The following PPP2R2B variants were observed in gnomAD, a reference collection of about 807,000 sequenced individuals.
PPP2R2B encodes the protein serine/threonine-protein phosphatase 2A 55 kDa regulatory subunit B beta isoform.
A neutral mutation model predicts 46.0 loss-of-function variants in PPP2R2B; 5 were observed. The observed-to-expected ratio is 0.11, with a 90% CI of 0.06 to 0.23. The LOEUF is 0.23. PPP2R2B is among the 10% of genes least tolerant of loss of function. The probability of loss-of-function intolerance (pLI) is 1.00; values close to 1 mark genes in which losing one functional copy is unlikely to be tolerated. For synonymous variants in PPP2R2B, 215 were observed against 206.7 expected (o/e 1.04, Z -0.34); for missense variants, 367 against 575.0 (o/e 0.64, Z 3.70).
At chr5:146,599,133 T>G (rs1403307025) in intron 8 of PPP2R2B, among the ~76,000 whole-genome samples, 2 of 152,154 alleles carry the variant, frequency 1.3e-5, no homozygotes, top group African/African-American at 4.8e-5. Context: ...GGATTTTGCT[T>G]CTTTAAGTCC....
At chr5:146,779,212 G>C (rs1755362362) in intron 2 of PPP2R2B, among the ~76,000 whole-genome samples, 1 of 152,198 alleles carries the variant, frequency 6.6e-6, no homozygotes, top group African/African-American at 2.4e-5. Context: ...AGTGACACTT[G>C]AGTCTCTTCA....
At chr5:147,002,162 T>G (rs1754208773) in intron 1 of PPP2R2B, among the ~76,000 whole-genome samples, 1 of 152,144 alleles carries the variant, frequency 6.6e-6, no homozygotes, top group African/African-American at 2.4e-5. Context: ...GTAAGAATGA[T>G]TTCTAGTATA....
intron 1 of PPP2R2B, among the ~76,000 whole-genome samples, chr5:147,036,718 A>G (rs960390115): frequency 6.6e-6 from 1 of 152,166 alleles, no homozygotes; most frequent in African/African-American, 2.4e-5. Context: ...TCTGACTGTG[A>G]GATGGTATTT....
At chr5:146,675,110 C>T (rs1156389137) in intron 5 of PPP2R2B, among the ~76,000 whole-genome samples, 1 of 152,054 alleles carries the variant, frequency 6.6e-6, no homozygotes, top group Non-Finnish European at 1.5e-5. Context: ...TACAGGCATG[C>T]GCCACCACAC....
At chr5:146,746,975 T>C (rs1302180061) in intron 2 of PPP2R2B, among the ~76,000 whole-genome samples, 24 of 152,182 alleles carry the variant, frequency 1.6e-4, no homozygotes, top group Non-Finnish European at 2.9e-5. Flanking sequence ...TATAACATCG[T>C]GCTGCATATC....
chr5:147,037,498 G>T (rs1756098750), intron 1 of PPP2R2B, among the ~76,000 whole-genome samples: 1 of 151,862 alleles, frequency 6.6e-6, no homozygotes, highest in South Asian at 2.1e-4. Flanking sequence ...ATACATTTAT[G>T]TATTCAGGTT....
intron 1 of PPP2R2B, among the ~76,000 whole-genome samples, chr5:146,888,315 C>A (rs1264279751): frequency 6.6e-6 from 1 of 152,108 alleles, no homozygotes; most frequent in Non-Finnish European, 1.5e-5. Flanking sequence ...CCCCACAATA[C>A]CCTGCCCCAC....
chr5:146,651,765 C>A (rs1371088101), intron 5 of PPP2R2B, among the ~76,000 whole-genome samples: 1 of 152,290 alleles, frequency 6.6e-6, no homozygotes, highest in East Asian at 1.9e-4. Context: ...TGATTTGATA[C>A]CAGGTGGTAG....
chr5:146,915,765 T>C (rs755831245), intron 1 of PPP2R2B, among the ~76,000 whole-genome samples: 5 of 152,178 alleles, frequency 3.3e-5, no homozygotes, highest in African/African-American at 1.2e-4. Context: ...TCACTGTTAT[T>C]GGGCCCTTCT....
chr5:147,024,408 A>G (rs1755434126), intron 1 of PPP2R2B, among the ~76,000 whole-genome samples: 1 of 152,222 alleles, frequency 6.6e-6, no homozygotes, highest in South Asian at 2.1e-4. Context: ...AGTAATTGAT[A>G]GAACAAGTAG....
intron 1 of PPP2R2B, among the ~76,000 whole-genome samples, chr5:146,935,339 G>A (rs1764104592): frequency 6.6e-6 from 1 of 152,172 alleles, no homozygotes; most frequent in Non-Finnish European, 1.5e-5. Flanking sequence ...CAGACTCCAA[G>A]TTTACCAGCA....
Position 146,623,166 on chromosome 5 carries a change from C to T in PPP2R2B, c.790+15085G>A, listed in dbSNP as rs141470967. On this transcript the variant is annotated intron_variant, in intron 7 of 9. Coordinates refer to ENST00000394411, the MANE Select transcript of PPP2R2B (RefSeq NM_181675.4). ...GTGGTTTTGTGGCCCCACAGTGACA[C>T]GAACACAAAAGATTCTCAATAAACA... is the stretch of plus-strand genomic sequence containing the variant. Among the ~76,000 whole-genome samples, 23 of 152,248 alleles carry T rather than the reference C, an allele frequency of 1.5e-4. No homozygotes were observed. The South Asian group carries it at 4.4e-3, about 29-fold the overall frequency.
chr5:147,054,908 C>G (rs1002520448), intron 1 of PPP2R2B, among the ~76,000 whole-genome samples: 3 of 152,136 alleles, frequency 2.0e-5, no homozygotes, highest in Admixed American at 6.6e-5. Flanking sequence ...AGGTATACAA[C>G]CAGCTTCTGA....
In PPP2R2B at chr5:146,714,429, G is replaced by A. The variant is rs116487480; in HGVS notation, c.71-13287C>T. 5.6e-3 allele frequency among the ~76,000 whole-genome samples: 859 copies of A among 152,160 alleles called. 9 individuals are homozygous for A. The highest frequency in any genetic ancestry group is 0.019 in the African/African-American group (777 of 41,514). ...TGAGGTGAAAGATGGTAAGGAAAGT[G>A]GGATCAAGAGAGTACTTTCACAGTG... On this transcript the variant is annotated intron_variant, in intron 2 of 9. Coordinates refer to ENST00000394411, the MANE Select transcript of PPP2R2B (RefSeq NM_181675.4).
rs1762016706 is a variant in PPP2R2B at position 146,878,231 on chromosome 5, T to TA, written c.-124-37dup. The TA allele has an allele frequency of 6.5e-7, 1 of 1,529,546 alleles. No individual in the cohort carries two copies. Among genetic ancestry groups the TA allele is most frequent in the South Asian group, 1.2e-5 (1 of 81,726 alleles). The allele number at this position is 1,529,546 out of a possible 1,614,324, so 94.7% of individuals were successfully genotyped here. A position where few individuals can be genotyped will look rare whatever the true frequency, so the allele number is the denominator to read the frequency against. ...GACGGGGAGGCGGAGAGAAAAAAAA[T>TA]AAAAACCCGGCAATGGAGCTGTCAC... On this transcript the variant is annotated intron_variant, in intron 1 of 9. Transcript: ENST00000394411. The surrounding 1 kb of genome is among the most constrained non-coding windows in gnomAD (Gnocchi z 4.5).
chr5:147,033,173 T>C (rs1755876595), intron 1 of PPP2R2B, among the ~76,000 whole-genome samples: 1 of 152,148 alleles, frequency 6.6e-6, no homozygotes, highest in South Asian at 2.1e-4. Flanking sequence ...GTAGAGAAGA[T>C]TACTGACCAG....
chr5:146,877,880 C>T (rs192766545), intron 2 of PPP2R2B, 122 bp downstream of exon 2: 2 of 1,200,506 alleles, frequency 1.7e-6, no homozygotes, highest in Non-Finnish European at 2.3e-6. Context: ...CCAGCCGAGC[C>T]CCCGCCCCAG....
At chr5:146,969,292 CT>C (rs1045965156) in intron 1 of PPP2R2B, among the ~76,000 whole-genome samples, 2 of 152,104 alleles carry the variant, frequency 1.3e-5, no homozygotes, top group Admixed American at 1.3e-4. Context: ...GAGGAAGGCC[CT>C]GTGCAAAGGA....
intron 6 of PPP2R2B, 116 bp from the exon 7 acceptor site, chr5:146,638,531 C>A: frequency 3.1e-6 from 3 of 955,606 alleles, no homozygotes; most frequent in Non-Finnish European, 1.5e-6. Context: ...TTGCTATGCA[C>A]ATGGTAGATC....
Sources: gnomAD v4.1 joint callset for allele counts (sites outside exome capture counted in the v4.1 genomes callset) on GRCh38, gnomAD v4.1.1 for gene constraint, Gnocchi (gnomAD v3.1) non-coding constraint, MANE v1.5 for transcripts, NCBI Gene and HGNC (gene_info 2026-07-23, HGNC 2026-07-21) for gene names.